Variants in ABCA4 observed in about 807,000 individuals in gnomAD.
ABCA4 encodes the protein ATP binding cassette subfamily A member 4, also known as retinal-specific phospholipid-transporting ATPase ABCA4.
Under a neutral mutation model 263.7 loss-of-function variants are expected in ABCA4, and 196 were observed. The observed-to-expected ratio is 0.74, with a 90% CI of 0.66 to 0.84. The LOEUF (loss-of-function observed/expected upper bound fraction) is 0.84, where lower values mean the gene tolerates loss of function less well. ABCA4 is among the 40% of genes least tolerant of loss of function. The pLI, the probability that ABCA4 is intolerant of heterozygous loss-of-function variation, is 0.00. For synonymous variants in ABCA4, 1,133 were observed against 1,094.2 expected (o/e 1.04, Z -0.70); for missense variants, 2,792 against 2,855.1 (o/e 0.98, Z 0.50).
intron 32 of ABCA4, among the ~76,000 whole-genome samples, chr1:94,023,170 A>AC (rs1659945730): frequency 6.6e-6 from 1 of 151,904 alleles, no homozygotes. Flanking sequence ...AGGGAATGCC[A>AC]CCCCCACTTA....
At chr1:94,056,892 G>C in intron 14 of ABCA4, 70 bp from the exon 15 acceptor site, 1 of 1,278,858 alleles carries the variant, frequency 7.8e-7, no homozygotes, top group East Asian at 2.5e-5. Flanking sequence ...TGCCCTAAAG[G>C]GCTCTCTCCC....
At chr1:94,060,029 T>C (rs939701141) in intron 14 of ABCA4, among the ~76,000 whole-genome samples, 4 of 152,198 alleles carry the variant, frequency 2.6e-5, no homozygotes, top group Non-Finnish European at 5.9e-5. Context: ...GGCAGCAGAA[T>C]GTTTTTTGGT....
chr1:94,032,981 T>C (rs1660245836), intron 26 of ABCA4, among the ~76,000 whole-genome samples: 1 of 152,218 alleles, frequency 6.6e-6, no homozygotes, highest in Non-Finnish European at 1.5e-5. Context: ...TGTGGTTCTT[T>C]CTGAATTCTT....
intron 21 of ABCA4, 90 bp downstream of exon 21, chr1:94,043,246 C>T: frequency 6.3e-7 from 1 of 1,583,244 alleles, no homozygotes; most frequent in Non-Finnish European, 8.6e-7. Context: ...CTTAGAAGCT[C>T]TCCTGCTCCA....
At chr1:94,100,798 G>A (rs1662266039) in intron 5 of ABCA4, among the ~76,000 whole-genome samples, 2 of 152,234 alleles carry the variant, frequency 1.3e-5, no homozygotes, top group Admixed American at 1.3e-4. Context: ...GAGCATGAGT[G>A]ACAACACAGA....
In ABCA4 at chr1:94,002,677, C is replaced by T. The variant is rs536315379; in HGVS notation, c.6148-685G>A. Among the ~76,000 whole-genome samples the T allele has an allele frequency of 5.3e-5, 8 of 152,252 alleles. No homozygotes were observed. In the South Asian group the frequency reaches 1.7e-3, roughly 32 times the overall value. ...AGTCCCCCGTGCCTGGAATGTTCCTCCCTAGGTGTGCACGTGGCTCCTTCT... is the reference window on the plus strand; with the variant it reads ...AGTCCCCCGTGCCTGGAATGTTCCTTCCTAGGTGTGCACGTGGCTCCTTCT... On this transcript the variant is annotated intron_variant, in intron 44 of 49. Transcript: ENST00000370225.
intron 47 of ABCA4, among the ~76,000 whole-genome samples, chr1:93,999,440 C>G (rs1161240798): frequency 6.6e-6 from 1 of 152,320 alleles, no homozygotes; most frequent in East Asian, 1.9e-4. Flanking sequence ...GGCTGATGGG[C>G]CAGGTGGGAG....
At chr1:94,040,784 T>C (rs1660464731) in intron 23 of ABCA4, among the ~76,000 whole-genome samples, 1 of 152,204 alleles carries the variant, frequency 6.6e-6, no homozygotes, top group Non-Finnish European at 1.5e-5. Context: ...ACTTTTTGCC[T>C]TCATCATTTT....
In ABCA4 at chr1:94,056,753, T is replaced by A. The variant is rs1276613701; in HGVS notation, c.2230A>T (p.Thr744Ser). The change falls in exon 15 of 50, where the codon ACC becomes TCC. Residue 744 changes from threonine to serine, a missense_variant. Thr to Ser is a moderately conservative substitution (Grantham distance 58, BLOSUM62 1). Transcript: ENST00000370225. ...FLFLLAFSTA[T>S]IMLCFLLSTF... ...CTGAGCAGAAAGCACAGCATGATGG[T>A]GGCAGTGGAGAAAGCCAACAAGAAC... is the stretch of plus-strand genomic sequence containing the variant. The A allele has an allele frequency of 6.2e-7, 1 of 1,613,770 alleles. No individual in the cohort carries two copies. Among genetic ancestry groups the A allele is most frequent in the Admixed American group, 1.7e-5 (1 of 59,988 alleles).
chr1:94,111,203 A>G (rs559068756), intron 3 of ABCA4, among the ~76,000 whole-genome samples: 2 of 152,362 alleles, frequency 1.3e-5, no homozygotes, highest in East Asian at 1.9e-4. Context: ...TTCTGGGGAT[A>G]TAAGGACCAA....
At chr1:94,050,768 A>G (rs1660821518) in intron 17 of ABCA4, among the ~76,000 whole-genome samples, 1 of 152,234 alleles carries the variant, frequency 6.6e-6, no homozygotes. Context: ...TGAAAACAAA[A>G]GCAAAAAACA....
intron 22 of ABCA4, 52 bp downstream of exon 22, chr1:94,042,709 A>G (rs1660525510): frequency 1.2e-6 from 2 of 1,613,366 alleles, no homozygotes; most frequent in East Asian, 2.2e-5. Context: ...TGGGGACCAC[A>G]GCTAGGGCTG....
intron 14 of ABCA4, among the ~76,000 whole-genome samples, chr1:94,059,877 G>A (rs564212856): frequency 2.2e-4 from 33 of 152,292 alleles, no homozygotes; most frequent in African/African-American, 7.9e-4. Flanking sequence ...TCATTTCCAA[G>A]TCTAGCTCTC....
intron 49 of ABCA4, among the ~76,000 whole-genome samples, chr1:93,995,617 C>CT (rs1373224823): frequency 2.0e-5 from 3 of 152,216 alleles, no homozygotes; most frequent in Admixed American, 2.0e-4. Flanking sequence ...AAAGAGCCCT[C>CT]TTCCTACAAC....
intron 26 of ABCA4, among the ~76,000 whole-genome samples, chr1:94,036,320 G>A (rs578253954): frequency 2.3e-4 from 35 of 150,692 alleles, no homozygotes; most frequent in African/African-American, 8.5e-4. Flanking sequence ...TACTACTGGG[G>A]AGTCAGATAC....
In ABCA4 at chr1:94,037,169, T is replaced by C; in HGVS notation, c.3789A>G (p.Gly1263=). The C allele has an allele frequency of 6.2e-7, 1 of 1,614,204 alleles. No homozygotes were observed. Among genetic ancestry groups the C allele is most frequent in the Non-Finnish European group, 8.5e-7 (1 of 1,180,034 alleles). ...TLADLGLSSF[G]ISDTPLEEIF... is the part of the protein sequence containing the mutation. Reference sequence around the variant, plus strand: ...CCTCTTCCAGGGGAGTGTCAGAAATTCCAAAACTGCTGAGACCAAGGTCAG... The same window carrying C: ...CCTCTTCCAGGGGAGTGTCAGAAATCCCAAAACTGCTGAGACCAAGGTCAG... The change falls in exon 25 of 50, where the codon GGA becomes GGG. Residue 1263 remains glycine (G), a synonymous_variant. Transcript: ENST00000370225.
intron 6 of ABCA4, among the ~76,000 whole-genome samples, chr1:94,098,206 T>C (rs946620674): frequency 1.3e-5 from 2 of 152,186 alleles, no homozygotes; most frequent in African/African-American, 4.8e-5. Context: ...GAACAAAGGG[T>C]TGAGCTAGAT....
chr1:94,045,643 C>G, intron 19 of ABCA4: 1 of 419,694 alleles, frequency 2.4e-6, no homozygotes, highest in African/African-American at 2.0e-5. Context: ...AGTTCTGATA[C>G]CATCTCAGGC....
At chr1:94,100,063 T>C (rs1051722178) in intron 5 of ABCA4, among the ~76,000 whole-genome samples, 2 of 152,156 alleles carry the variant, frequency 1.3e-5, no homozygotes, top group Non-Finnish European at 2.9e-5. Flanking sequence ...CAGTCTCCCA[T>C]GACATCTAAC....
Sources: allele counts gnomAD v4.1 joint callset (sites outside exome capture counted in the v4.1 genomes callset), GRCh38; gene constraint gnomAD v4.1.1; transcripts MANE v1.5; gene names NCBI Gene and HGNC (gene_info 2026-07-23, HGNC 2026-07-21).